The following PARD3 variants were observed in gnomAD, a reference collection of about 807,000 sequenced individuals.
PARD3 encodes the protein partitioning defective 3 homolog.
PARD3 carries 75 observed loss-of-function variants against 155.4 expected under a neutral mutation model. The observed-to-expected ratio is 0.48, with a 90% CI of 0.40 to 0.58. PARD3 has a LOEUF of 0.58. Ranked by LOEUF, PARD3 falls within the 20% of genes least tolerant of loss-of-function variation. PARD3 has a pLI of 0.00. For missense variants in PARD3, 1,642 were observed against 1,721.7 expected, an observed-to-expected ratio of 0.95 and a Z score of 0.82; for synonymous variants, 576 against 610.5, an observed-to-expected ratio of 0.94 and a Z score of 0.83.
intron 18 of PARD3, among the ~76,000 whole-genome samples, chr10:34,332,921 C>T (rs1835769761): frequency 6.6e-6 from 1 of 151,792 alleles, no homozygotes; most frequent in South Asian, 2.1e-4. Context: ...GAATTTTGTT[C>T]CAAAAACCTA....
intron 22 of PARD3, among the ~76,000 whole-genome samples, chr10:34,148,446 T>C (rs529073530): frequency 3.3e-5 from 5 of 152,318 alleles, no homozygotes; most frequent in Admixed American, 3.3e-4. Context: ...GGATTTTGGC[T>C]GACATTTTGT....
At chr10:34,305,315 G>C (rs143713443) in intron 20 of PARD3, among the ~76,000 whole-genome samples, 2 of 152,316 alleles carry the variant, frequency 1.3e-5, no homozygotes, top group African/African-American at 4.8e-5. Flanking sequence ...ATACCTAGCA[G>C]CGGTAGTGAA....
At chr10:34,127,732 G>C (rs962430830) in intron 23 of PARD3, among the ~76,000 whole-genome samples, 2 of 152,224 alleles carry the variant, frequency 1.3e-5, no homozygotes, top group African/African-American at 4.8e-5. Flanking sequence ...GGTTGGAACT[G>C]TGTGCATGTG....
chr10:34,486,763 G>T (rs1441303984), intron 3 of PARD3, among the ~76,000 whole-genome samples: 1 of 152,150 alleles, frequency 6.6e-6, no homozygotes, highest in Non-Finnish European at 1.5e-5. Context: ...CATCAGTGCT[G>T]CTGGTCTGAG....
chr10:34,162,308 A>G (rs1949322837), intron 22 of PARD3, among the ~76,000 whole-genome samples: 1 of 152,100 alleles, frequency 6.6e-6, no homozygotes, highest in Non-Finnish European at 1.5e-5. Flanking sequence ...CTCGTATTCA[A>G]CTGTTAAGGG....
intron 2 of PARD3, among the ~76,000 whole-genome samples, chr10:34,643,548 T>C (rs139641930): frequency 6.6e-6 from 1 of 152,366 alleles, no homozygotes; most frequent in African/African-American, 2.4e-5. Flanking sequence ...TTGTTATGTA[T>C]AAATATATTA....
intron 23 of PARD3, among the ~76,000 whole-genome samples, chr10:34,129,042 C>T (rs540479451): frequency 6.6e-6 from 1 of 152,252 alleles, no homozygotes; most frequent in Non-Finnish European, 1.5e-5. Context: ...TAACAGGATC[C>T]AGCCTCTGTA....
intron 1 of PARD3, among the ~76,000 whole-genome samples, chr10:34,735,541 T>A (rs1413550066): frequency 1.3e-5 from 2 of 152,210 alleles, no homozygotes; most frequent in Admixed American, 6.5e-5. Flanking sequence ...CTGCTGCCAG[T>A]CCCAAAATCT....
chr10:34,401,987 G>A (rs1843934863), intron 5 of PARD3, 70 bp from the exon 6 acceptor site: 13 of 1,201,168 alleles, frequency 1.1e-5, no homozygotes, highest in Admixed American at 1.7e-5. Flanking sequence ...AAAGGAAACT[G>A]GATAAAATGG....
At position 34,341,749 on chromosome 10, in the gene PARD3, C is replaced by A. The variant is rs1237372733; in HGVS notation, c.2286G>T (p.Arg762Ser). 1 of 1,613,064 alleles carries A rather than the reference C, an allele frequency of 6.2e-7. No individual in the cohort carries two copies. Among genetic ancestry groups the A allele is most frequent in the East Asian group, 2.2e-5 (1 of 44,856 alleles). ...AGAGATGTGGAGGAAGCACTGGCAA[C>A]CTGTCATCTTCTATAATGACAGTGT... ...QDDTVIIEDD[R>S]LPVLPPHLSD... is the part of the protein sequence containing the mutation. The change falls in exon 16 of 25, where the codon AGG (arginine) becomes AGT (serine). Residue 762 changes from arginine to serine, a missense_variant. Coordinates refer to ENST00000374788, the MANE Select transcript of PARD3 (RefSeq NM_001184785.2).
chr10:34,239,799 T>G (rs1778868), intron 22 of PARD3, among the ~76,000 whole-genome samples: 73,499 of 143,994 alleles, frequency 0.51, 20,550 homozygotes, highest in African/African-American at 0.76. Context: ...TGACACTCCA[T>G]CTCAAAAAAA....
At chr10:34,395,440 T>A (rs1040155133) in intron 7 of PARD3, among the ~76,000 whole-genome samples, 3 of 152,000 alleles carry the variant, frequency 2.0e-5, no homozygotes, top group Admixed American at 6.6e-5. Flanking sequence ...ACTAAGAAAA[T>A]AATTTAAAAA....
chr10:34,799,113 C>T (rs1380093397), intron 1 of PARD3, among the ~76,000 whole-genome samples: 1 of 152,222 alleles, frequency 6.6e-6, no homozygotes, highest in East Asian at 1.9e-4. Flanking sequence ...GCAATCTCGG[C>T]TCACTGCAAC....
chr10:34,429,565 T>TTTTGTTTTGC (rs2075798030), intron 5 of PARD3, among the ~76,000 whole-genome samples: 1 of 108,046 alleles, frequency 9.3e-6, no homozygotes, highest in African/African-American at 7.8e-5. Context: ...TTTTGTTTTG[T>TTTTGTTTTGC]TTTGTTTTGT....
chr10:34,444,743 A>C (rs1245057934), intron 5 of PARD3, among the ~76,000 whole-genome samples: 1 of 152,214 alleles, frequency 6.6e-6, no homozygotes, highest in Non-Finnish European at 1.5e-5. Context: ...AAGATTCACT[A>C]TCCCCGTAAG....
intron 3 of PARD3, among the ~76,000 whole-genome samples, chr10:34,498,149 G>A (rs184871252): frequency 1.1e-4 from 16 of 152,142 alleles, no homozygotes; most frequent in Non-Finnish European, 1.8e-4. Context: ...TTTCAAATAC[G>A]AGTAGCATAG....
intron 5 of PARD3, 78 bp from the exon 6 acceptor site, chr10:34,401,995 T>C (rs1843937218): frequency 1.8e-6 from 2 of 1,133,628 alleles, no homozygotes; most frequent in Admixed American, 3.4e-5. Flanking sequence ...CTGGATAAAA[T>C]GGAAGTCTAA....
intron 22 of PARD3, among the ~76,000 whole-genome samples, chr10:34,222,942 C>T (rs560293719): frequency 6.6e-5 from 10 of 152,222 alleles, no homozygotes; most frequent in Admixed American, 5.2e-4. Context: ...AGCACTCCTG[C>T]GCCTATTCAG....
At chr10:34,691,093 A>G (rs116923783) in intron 2 of PARD3, among the ~76,000 whole-genome samples, 2,362 of 152,258 alleles carry the variant, frequency 0.016, 18 homozygotes, top group Middle Eastern at 0.024. Flanking sequence ...CAGTATGCCT[A>G]TAGTCCCAAC....
Sources: allele counts gnomAD v4.1 joint callset (sites outside exome capture counted in the v4.1 genomes callset), GRCh38; gene constraint gnomAD v4.1.1; transcripts MANE v1.5; gene names NCBI Gene and HGNC (gene_info 2026-07-23, HGNC 2026-07-21).